The following CACNA1H variants were observed in gnomAD, a reference collection of about 807,000 sequenced individuals.
CACNA1H encodes voltage-dependent T-type calcium channel subunit alpha-1H.
CACNA1H carries 149 observed loss-of-function variants against 192.5 expected under a neutral mutation model. The observed-to-expected ratio is 0.77, with a 90% CI of 0.68 to 0.89. CACNA1H has a LOEUF of 0.89. Among genes scored for constraint, CACNA1H ranks in the 40% least tolerant of loss-of-function variants. The pLI is 0.00. For missense variants in CACNA1H, 4,257 were observed against 3,423.5 expected, an observed-to-expected ratio of 1.24 and a Z score of -6.08; for synonymous variants, 2,202 against 1,475.2, an observed-to-expected ratio of 1.49 and a Z score of -11.29.
At chr16:1,198,949 C>T in intron 6 of CACNA1H, 175 bp downstream of exon 6, 1 of 625,948 alleles carries the variant, frequency 1.6e-6, no homozygotes, top group Non-Finnish European at 2.8e-6. Context: ...GCCCCCACCC[C>T]CCATCATGGC....
At position 1,210,050 on chromosome 16, in the gene CACNA1H, C is replaced by T. The variant is rs1270764895; in HGVS notation, c.3760C>T (p.Leu1254=). Residue 1254 remains leucine, a synonymous_variant, in exon 18 of 35, where the codon CTG becomes TTG. Transcript: ENST00000348261. ...DDSEDSCCLR[L]HKVLEPYKPQ... ...CATCCCACAGAGCTGCTGCCTCCGC[C>T]TGCATAAAGTGCTGGAGCCCTACAA... The T allele has an allele frequency of 6.4e-7, 1 of 1,551,972 alleles. No homozygotes were observed. Among genetic ancestry groups the T allele is most frequent in the Non-Finnish European group, 8.7e-7 (1 of 1,148,206 alleles).
intron 13 of CACNA1H, 48 bp downstream of exon 13, chr16:1,207,166 C>T: frequency 1.9e-6 from 3 of 1,551,468 alleles, no homozygotes; most frequent in Non-Finnish European, 2.6e-6. Context: ...AGTGTGGTCC[C>T]CAGAGAGGTG....
chr16:1,220,028 G>A lies in CACNA1H; in HGVS notation c.6096G>A (p.Arg2032=), dbSNP rs941253283. The stretch of plus-strand genomic sequence containing the variant: ...TGGAAGGGAAGATTGACAGCCCTAG[G>A]GACACCCTGGATCCTGCAGAGCCTG... ...DSLEGKIDSP[R]DTLDPAEPGE... The change falls in exon 35 of 35, where the codon AGG becomes AGA. Residue 2032 remains arginine, a synonymous_variant. Coordinates refer to ENST00000348261, the MANE Select transcript of CACNA1H (RefSeq NM_021098.3). 2 of 1,407,042 alleles carry A rather than the reference G, an allele frequency of 1.4e-6. No homozygotes were observed. The highest frequency in any genetic ancestry group is 1.9e-4 in the Middle Eastern group (1 of 5,310). 87.2% of individuals were successfully genotyped at this position (1,407,042 alleles called of 1,614,324 possible).
rs568897017 is a variant in CACNA1H, at chr16:1,198,065, G to A, written c.644-550G>A. On this transcript the variant is annotated intron_variant, in intron 5 of 34. Transcript: ENST00000348261. ...CTGGCAGGATTCTCACTGGGAATCAGACAAAGTTTTCAGGATCCCAGACCT... is the reference window on the plus strand; with the variant it reads ...CTGGCAGGATTCTCACTGGGAATCAAACAAAGTTTTCAGGATCCCAGACCT... 4.8e-4 allele frequency among the ~76,000 whole-genome samples: 73 copies of A among 152,292 alleles called. No homozygotes were observed. In the South Asian group the frequency reaches 5.8e-3, roughly 12 times the overall value.
chr16:1,204,002 T>C lies in CACNA1H; in HGVS notation c.2003-8T>C. On this transcript the variant is annotated splice_polypyrimidine_tract_variant and splice_region_variant and intron_variant, in intron 9 of 34. Transcript: ENST00000348261. ...TGGGCCTGCCCCTGTCTGTGCCCTC[T>C]CCCGCAGGACTGGGCCAGGCCCCTG... 6.5e-7 allele frequency: 1 copy of C among 1,529,758 alleles called. No individual in the cohort carries two copies. Among genetic ancestry groups the C allele is most frequent in the South Asian group, 1.2e-5 (1 of 82,990 alleles). The allele number at this position is 1,529,758 out of a possible 1,614,324, so 94.8% of individuals were successfully genotyped here.
intron 31 of CACNA1H, 60 bp downstream of exon 31, chr16:1,217,070 C>G: frequency 7.2e-7 from 1 of 1,386,930 alleles, no homozygotes; most frequent in Admixed American, 2.0e-5. Context: ...CGCCCCTGTG[C>G]CCATCCACTC....
Position 1,211,172 on chromosome 16 carries a change from A to T in CACNA1H, c.4228A>T (p.Ile1410Phe). 1 of 1,612,766 alleles carries T rather than the reference A, an allele frequency of 6.2e-7. No homozygotes were observed. The highest frequency in any genetic ancestry group is 8.5e-7 in the Non-Finnish European group (1 of 1,179,740). The change falls in exon 22 of 35, where the codon ATC (isoleucine) becomes TTC (phenylalanine). Residue 1410 changes from isoleucine to phenylalanine, a missense_variant. Physicochemically the swap from Ile to Phe is conservative, Grantham distance 21 (BLOSUM62 0). Coordinates refer to ENST00000348261, the MANE Select transcript of CACNA1H (RefSeq NM_021098.3). ...LLRTLRPLRV[I>F]SRAPGLKLVV... ...GTATCCTTCACTCCCCTCCAGGGTC[A>T]TCAGCCGGGCCCCGGGCCTCAAGCT...
chr16:1,206,792 G>A, intron 12 of CACNA1H: 4 of 552,960 alleles, frequency 7.2e-6, no homozygotes, highest in Non-Finnish European at 1.3e-5. Context: ...TCTCTCGCCT[G>A]TGGAATGGAC....
intron 2 of CACNA1H, among the ~76,000 whole-genome samples, chr16:1,189,848 C>G (rs1426950867): frequency 2.6e-5 from 4 of 152,196 alleles, no homozygotes; most frequent in Non-Finnish European, 5.9e-5. Flanking sequence ...TCAGGCCTCT[C>G]TCTGGGGGGT....
intron 25 of CACNA1H, 44 bp from the exon 26 acceptor site, chr16:1,212,467 T>TGCGCCACGCCCTCG (rs1567544430): frequency 2.5e-6 from 4 of 1,577,484 alleles, no homozygotes; most frequent in Non-Finnish European, 3.5e-6. Context: ...CAGGCCCGAG[T>TGCGCCACGCCCTCG]GCGCCACGCC....
intron 2 of CACNA1H, among the ~76,000 whole-genome samples, chr16:1,154,931 C>A (rs1376043935): frequency 6.6e-6 from 1 of 152,186 alleles, no homozygotes; most frequent in East Asian, 1.9e-4. Context: ...GGTCTCCCCA[C>A]CGGCCCTTCT....
chr16:1,214,024 C>G (rs1174252892), intron 27 of CACNA1H, 93 bp downstream of exon 27: 1 of 1,124,264 alleles, frequency 8.9e-7, no homozygotes. Flanking sequence ...CGGCGCTCCG[C>G]TGAGCCCTCG....
intron 16 of CACNA1H, among the ~76,000 whole-genome samples, chr16:1,208,508 G>C (rs574034545): frequency 6.6e-6 from 1 of 152,212 alleles, no homozygotes; most frequent in Non-Finnish European, 1.5e-5. Flanking sequence ...GGGCAGAAGC[G>C]TGCCCGGCAA....
intron 6 of CACNA1H, among the ~76,000 whole-genome samples, chr16:1,199,103 G>A (rs1303360748): frequency 2.4e-5 from 1 of 42,108 alleles, no homozygotes. Context: ...TGCCCACCAC[G>A]CAGTCGCTGC....
rs1040772234 is a variant in CACNA1H, at chr16:1,167,842, G to A, written c.299+13806G>A. Among the ~76,000 whole-genome samples the A allele has an allele frequency of 2.9e-4, 44 of 152,192 alleles. No homozygotes were observed. The highest frequency in any genetic ancestry group is 9.7e-4 in the African/African-American group (40 of 41,448). On this transcript the variant is annotated intron_variant, in intron 2 of 34. Coordinates refer to ENST00000348261, the MANE Select transcript of CACNA1H (RefSeq NM_021098.3). This position sits in a 1 kb window ranked among gnomAD's most constrained non-coding sequence, Gnocchi z 4.2. ...AGTGCACCTGCGAGGTTGGGGCGTG[G>A]CCTGGCCGTCCGTCCGCGGGGCCCG...
In CACNA1H at chr16:1,216,729, A is replaced by G. The variant is rs67263891; in HGVS notation, c.5245-203A>G. Among the ~76,000 whole-genome samples, 7,143 of 152,202 alleles carry G rather than the reference A, an allele frequency of 0.047. 248 individuals are homozygous for G. Among genetic ancestry groups the G allele is most frequent in the South Asian group, 0.081 (389 of 4,826 alleles). Reference sequence around the variant, plus strand: ...TGGGCTCTGTCTACCTGGTGAGGTCATGGTGCCCCGAGAGGGGCATGGGGC... The same window carrying G: ...TGGGCTCTGTCTACCTGGTGAGGTCGTGGTGCCCCGAGAGGGGCATGGGGC... On this transcript the variant is annotated intron_variant, in intron 30 of 34. Transcript: ENST00000348261.
intron 9 of CACNA1H, among the ~76,000 whole-genome samples, chr16:1,203,325 C>T (rs1968222634): frequency 6.6e-6 from 1 of 152,178 alleles, no homozygotes; most frequent in Non-Finnish European, 1.5e-5. Flanking sequence ...GGTTTGCTCG[C>T]ATCGAGTCAA....
rs753709912 is a variant in CACNA1H at position 1,207,070 on chromosome 16, C to G, written c.2859C>G (p.Asp953Glu). Reference protein sequence around the residue: ...LKTDTGDTVPDRKNFDSLLWA... With the variant: ...LKTDTGDTVPERKNFDSLLWA... ...CAGACACCGGAGACACCGTGCCTGACAGGAAGAACTTCGACTCCCTGCTGT... is the reference window on the plus strand; with the variant it reads ...CAGACACCGGAGACACCGTGCCTGAGAGGAAGAACTTCGACTCCCTGCTGT... The change falls in exon 13 of 35, where the codon GAC (aspartate) becomes GAG (glutamate). Residue 953 changes from aspartate to glutamate, a missense_variant. By Grantham distance (45) the Asp-to-Glu change is conservative (BLOSUM62 2). Coordinates refer to ENST00000348261, the MANE Select transcript of CACNA1H (RefSeq NM_021098.3). The G allele has an allele frequency of 1.2e-6, 2 of 1,603,080 alleles. No individual in the cohort carries two copies. Among genetic ancestry groups the G allele is most frequent in the East Asian group, 2.2e-5 (1 of 44,452 alleles).
intron 2 of CACNA1H, among the ~76,000 whole-genome samples, chr16:1,173,220 C>T (rs984498273): frequency 1.3e-5 from 2 of 152,062 alleles, no homozygotes; most frequent in Non-Finnish European, 2.9e-5. Flanking sequence ...AGATGGGGTG[C>T]TGGTGGCCAG....
Sources: gnomAD v4.1 joint callset for allele counts (sites outside exome capture counted in the v4.1 genomes callset) on GRCh38, gnomAD v4.1.1 for gene constraint, Gnocchi (gnomAD v3.1) non-coding constraint, MANE v1.5 for transcripts, NCBI Gene and HGNC (gene_info 2026-07-23, HGNC 2026-07-21) for gene names.